Variants in HSP90AA1 observed in about 807,000 individuals in gnomAD.
HSP90AA1 encodes heat shock protein 90 alpha family class A member 1.
A neutral mutation model predicts 73.3 loss-of-function variants in HSP90AA1; 18 were observed. The observed-to-expected ratio is 0.25, with a 90% CI of 0.17 to 0.36. The LOEUF (loss-of-function observed/expected upper bound fraction) is 0.36. Among genes scored for constraint, HSP90AA1 ranks in the 10% least tolerant of loss-of-function variants. HSP90AA1 has a pLI of 1.00. For missense variants in HSP90AA1, 704 were observed against 874.2 expected, an observed-to-expected ratio of 0.81 and a Z score of 2.45; for synonymous variants, 477 against 296.9, an observed-to-expected ratio of 1.61 and a Z score of -6.24.
At chr14:102,121,763 T>G (rs2049780973) in intron 1 of HSP90AA1, among the ~76,000 whole-genome samples, 1 of 152,194 alleles carries the variant, frequency 6.6e-6, no homozygotes, top group Admixed American at 6.5e-5. Flanking sequence ...AACTCAGAAG[T>G]CATCAACAAA....
At chr14:102,118,828 CCT>C (rs899598253) in intron 1 of HSP90AA1, among the ~76,000 whole-genome samples, 8 of 149,102 alleles carry the variant, frequency 5.4e-5, no homozygotes, top group Non-Finnish European at 1.2e-4. Context: ...TTTTAGAATT[CCT>C]CTGACTCTTC....
upstream of HSP90AA1, among the ~76,000 whole-genome samples, chr14:102,088,423 T>TC (rs2049300963): frequency 6.6e-6 from 1 of 152,230 alleles, no homozygotes; most frequent in African/African-American, 2.4e-5. Context: ...CTTCCTGGTC[T>TC]TTAGGGAAAC....
intron 1 of HSP90AA1, among the ~76,000 whole-genome samples, chr14:102,138,818 G>C (rs916025926): frequency 3.3e-5 from 5 of 152,046 alleles, no homozygotes; most frequent in African/African-American, 1.2e-4. Flanking sequence ...AGAAACCCAG[G>C]TATAAAATAG....
upstream of HSP90AA1, among the ~76,000 whole-genome samples, chr14:102,087,862 G>C (rs1056921596): frequency 6.0e-5 from 9 of 150,820 alleles, no homozygotes; most frequent in Admixed American, 4.0e-4. Flanking sequence ...AAAGCCCATC[G>C]TTTTGCCGAC....
At chr14:102,092,999 C>T (rs2152616960) in intron 2 of HSP90AA1, among the ~76,000 whole-genome samples, 1 of 152,106 alleles carries the variant, frequency 6.6e-6, no homozygotes, top group East Asian at 1.9e-4. Context: ...CCTGCCTCGG[C>T]CTCCCAAAAT....
upstream of HSP90AA1, among the ~76,000 whole-genome samples, chr14:102,088,710 C>T (rs1013737076): frequency 1.3e-5 from 2 of 152,018 alleles, no homozygotes; most frequent in Non-Finnish European, 1.5e-5. Flanking sequence ...GAGCGGTGAG[C>T]GGGTCGCTGA....
chr14:102,134,631 G>A (rs557883525), intron 1 of HSP90AA1, among the ~76,000 whole-genome samples: 2 of 152,136 alleles, frequency 1.3e-5, no homozygotes, highest in South Asian at 2.1e-4. Flanking sequence ...GAGTATTACA[G>A]CTCCTAAGGC....
At position 102,116,244 on chromosome 14, in the gene HSP90AA1, TGCCCGGCCAAGACCGA is replaced by T. The variant is rs1009463681; in HGVS notation, c.156-14175_156-14160del. On this transcript the variant is annotated intron_variant, in intron 1 of 11. Transcript: ENST00000334701. ...CTGGGATTAGAGGCATGAGCCACTG[TGCCCGGCCAAGACCGA>T]GCATCTTTTAATGGTGGAGAGAGTT... 5.3e-5 allele frequency among the ~76,000 whole-genome samples: 8 copies of T among 151,968 alleles called. 1 individual carries two copies. Among genetic ancestry groups the T allele is most frequent in the African/African-American group, 1.9e-4 (8 of 41,418 alleles).
chr14:102,095,601 T>A (rs1335503536), intron 2 of HSP90AA1, among the ~76,000 whole-genome samples: 3 of 152,212 alleles, frequency 2.0e-5, no homozygotes, highest in Non-Finnish European at 4.4e-5. Context: ...GGCATGCTCC[T>A]GTCTCCTAGC....
chr14:102,084,543 A>G lies in HSP90AA1; in HGVS notation c.1003T>C (p.Leu335=). 1 of 1,614,202 alleles carries G rather than the reference A, an allele frequency of 6.2e-7. No homozygotes were observed. Among genetic ancestry groups the G allele is most frequent in the Non-Finnish European group, 8.5e-7 (1 of 1,180,024 alleles). The change falls in exon 6 of 11, where the codon TTG becomes CTG. Residue 335 remains leucine, a synonymous_variant. Coordinates refer to ENST00000216281, the MANE Select transcript of HSP90AA1 (RefSeq NM_005348.4). ...AVKHFSVEGQ[L]EFRALLFVPR... ...ACAAATAGAAGGGCTCTGAATTCCA[A>G]CTGTCCTTCAACTGAAAAATGCTGT...
intron 2 of HSP90AA1, among the ~76,000 whole-genome samples, chr14:102,098,481 T>C (rs901126424): frequency 1.1e-5 from 1 of 88,110 alleles, no homozygotes; most frequent in African/African-American, 3.8e-5. Flanking sequence ...TTTTTTTTTT[T>C]TGTGACAAAG....
chr14:102,086,420 TAC>T (rs2049235466), intron 1 of HSP90AA1, 42 bp from the exon 2 acceptor site: 1 of 1,609,760 alleles, frequency 6.2e-7, no homozygotes. Context: ...GCAGGACGTC[TAC>T]AGAGGCAACA....
chr14:102,110,509 T>G (rs2049626251), intron 1 of HSP90AA1, among the ~76,000 whole-genome samples: 1 of 151,862 alleles, frequency 6.6e-6, no homozygotes, highest in South Asian at 2.1e-4. Flanking sequence ...AACCTCTGCC[T>G]CCCGGGTTCA....
intron 1 of HSP90AA1, among the ~76,000 whole-genome samples, chr14:102,135,584 C>T (rs1877511919): frequency 6.6e-6 from 1 of 152,242 alleles, no homozygotes; most frequent in Non-Finnish European, 1.5e-5. Context: ...CGGGGAGGCT[C>T]CGGCCGCACA....
Position 102,084,854 on chromosome 14 carries a change from T to C in HSP90AA1, c.808A>G (p.Lys270Glu), listed in dbSNP as rs757096775. 2 of 1,583,066 alleles carry C rather than the reference T, an allele frequency of 1.3e-6. No homozygotes were observed. Among genetic ancestry groups the C allele is most frequent in the Non-Finnish European group, 1.7e-6 (2 of 1,152,018 alleles). Residue 270 changes from lysine to glutamate, a missense_variant, in exon 5 of 11, where the codon AAG becomes GAG. Coordinates refer to ENST00000216281, the MANE Select transcript of HSP90AA1 (RefSeq NM_005348.4). ...TTCTTCTTCTTCTTGTCACCATCCT[T>C]CTTTTCTTCTTCCTCATCAGAACCA... The part of the protein sequence containing the change: ...DVGSDEEEEK[K>E]DGDKKKKKKI...
intron 1 of HSP90AA1, among the ~76,000 whole-genome samples, chr14:102,103,820 A>C (rs576212702): frequency 9.9e-5 from 15 of 151,846 alleles, no homozygotes; most frequent in Non-Finnish European, 1.6e-4. Flanking sequence ...AAAAAAAAAA[A>C]AACAAAAACC....
chr14:102,105,364 G>C (rs900958840), intron 1 of HSP90AA1, among the ~76,000 whole-genome samples: 3 of 152,132 alleles, frequency 2.0e-5, no homozygotes, highest in African/African-American at 7.2e-5. Context: ...ACATGTACTT[G>C]TATACCCTGA....
At chr14:102,134,617 C>T (rs1008942412) in intron 1 of HSP90AA1, among the ~76,000 whole-genome samples, 1 of 152,034 alleles carries the variant, frequency 6.6e-6, no homozygotes, top group African/African-American at 2.4e-5. Flanking sequence ...CAGACCTTCA[C>T]GGTGAGTATT....
intron 1 of HSP90AA1, among the ~76,000 whole-genome samples, chr14:102,138,306 C>T (rs890808692): frequency 1.3e-5 from 2 of 152,012 alleles, no homozygotes; most frequent in African/African-American, 4.8e-5. Context: ...TGCCACTATC[C>T]TTCAAGTTGA....
Sources: gnomAD v4.1 joint callset for allele counts (sites outside exome capture counted in the v4.1 genomes callset) on GRCh38, gnomAD v4.1.1 for gene constraint, MANE v1.5 for transcripts, NCBI Gene and HGNC (gene_info 2026-07-23, HGNC 2026-07-21) for gene names.